Variants in CYTH3 observed in about 807,000 individuals in gnomAD.
CYTH3 encodes the protein cytohesin-3.
CYTH3 carries 23 observed loss-of-function variants against 55.1 expected under a neutral mutation model. The observed-to-expected ratio is 0.42, with a 90% CI of 0.30 to 0.59. The LOEUF (loss-of-function observed/expected upper bound fraction) is 0.59. CYTH3 is among the 20% of genes least tolerant of loss of function. CYTH3 has a pLI of 0.20. For synonymous variants in CYTH3, 249 were observed against 194.9 expected (o/e 1.28, Z -2.31); for missense variants, 413 against 524.8 (o/e 0.79, Z 2.08).
In CYTH3 at chr7:6,171,443, T is replaced by C; in HGVS notation, c.450-129A>G. 1 of 731,256 alleles carries C rather than the reference T, an allele frequency of 1.4e-6. No individual in the cohort carries two copies. The highest frequency in any genetic ancestry group is 1.7e-5 in the South Asian group (1 of 58,924). The allele number at this position is 731,256 out of a possible 1,614,324, so 45.3% of individuals were successfully genotyped here. A position where few individuals can be genotyped will look rare whatever the true frequency, so the allele number is the denominator to read the frequency against. Reference sequence around the variant, plus strand: ...CTGGGGTACAGCTCTGGCAGGGGCTTGGGGGCGCAGAGACAGAAAGGAGAA... The same window carrying C: ...CTGGGGTACAGCTCTGGCAGGGGCTCGGGGGCGCAGAGACAGAAAGGAGAA... On this transcript the variant is annotated intron_variant, in intron 6 of 12. Transcript: ENST00000350796. The surrounding 1 kb of genome is among the most constrained non-coding windows in gnomAD (Gnocchi z 6.7).
At chr7:6,203,364 T>C (rs1180849293) in intron 1 of CYTH3, among the ~76,000 whole-genome samples, 3 of 152,216 alleles carry the variant, frequency 2.0e-5, no homozygotes, top group African/African-American at 7.2e-5. Context: ...ATCTGACTAT[T>C]GCTAGAGGCA....
intron 1 of CYTH3, among the ~76,000 whole-genome samples, chr7:6,192,550 T>G (rs1783824593): frequency 6.7e-6 from 1 of 148,164 alleles, no homozygotes; most frequent in Non-Finnish European, 1.5e-5. Flanking sequence ...TTTTTTTTTT[T>G]GAGACAGAGT....
intron 1 of CYTH3, among the ~76,000 whole-genome samples, chr7:6,271,540 G>A (rs1486102371): frequency 6.6e-6 from 1 of 151,736 alleles, no homozygotes; most frequent in African/African-American, 2.4e-5. Context: ...TAAAAACACG[G>A]GCATTAACCC....
chr7:6,270,660 G>A (rs373334142), intron 1 of CYTH3, among the ~76,000 whole-genome samples: 19 of 152,084 alleles, frequency 1.2e-4, no homozygotes, highest in African/African-American at 4.3e-4. Flanking sequence ...TGCTGTTGGC[G>A]TTGCTGTTTC....
intron 1 of CYTH3, among the ~76,000 whole-genome samples, chr7:6,196,602 G>C (rs1783938608): frequency 1.3e-5 from 2 of 151,662 alleles, no homozygotes. Context: ...TGGGATTATA[G>C]GCACGCACCA....
chr7:6,223,172 G>A (rs1460184752), intron 1 of CYTH3, among the ~76,000 whole-genome samples: 2 of 151,480 alleles, frequency 1.3e-5, no homozygotes, highest in South Asian at 2.1e-4. Flanking sequence ...GGGAGGTGGG[G>A]GGCGCCTCTG....
chr7:6,203,195 CAA>C (rs565714024), intron 1 of CYTH3, among the ~76,000 whole-genome samples: 8 of 126,838 alleles, frequency 6.3e-5, no homozygotes, highest in South Asian at 2.5e-4. Flanking sequence ...TTCCCAAAGG[CAA>C]AAAAAAAAAA....
At chr7:6,214,757 GGACACA>G (rs1269839519) in intron 1 of CYTH3, among the ~76,000 whole-genome samples, 1 of 152,066 alleles carries the variant, frequency 6.6e-6, no homozygotes, top group African/African-American at 2.4e-5. Flanking sequence ...CTAACCTAAA[GGACACA>G]TGCGATTGAC....
chr7:6,186,100 C>T (rs1163547772), intron 4 of CYTH3, among the ~76,000 whole-genome samples: 1 of 151,850 alleles, frequency 6.6e-6, no homozygotes, highest in Admixed American at 6.6e-5. Context: ...AAAAATTAGC[C>T]GGGCGTGGTG....
chr7:6,265,899 C>A (rs1157509525), intron 1 of CYTH3, among the ~76,000 whole-genome samples: 1 of 151,964 alleles, frequency 6.6e-6, no homozygotes, highest in African/African-American at 2.4e-5. Context: ...CCACAATATA[C>A]TGAGATGGAG....
intron 4 of CYTH3, among the ~76,000 whole-genome samples, chr7:6,179,944 C>T (rs1301565857): frequency 6.8e-6 from 1 of 147,976 alleles, no homozygotes; most frequent in African/African-American, 2.5e-5. Flanking sequence ...CACACACACA[C>T]AGTAGCAATG....
chr7:6,165,914 C>A, intron 9 of CYTH3, 104 bp from the exon 10 acceptor site: 1 of 1,112,932 alleles, frequency 9.0e-7, no homozygotes, highest in East Asian at 2.4e-5. Context: ...TTCAGAAAGG[C>A]CACCAGGCGC....
intron 1 of CYTH3, among the ~76,000 whole-genome samples, chr7:6,195,329 T>G (rs1193176070): frequency 2.0e-5 from 3 of 152,196 alleles, no homozygotes; most frequent in African/African-American, 7.2e-5. Flanking sequence ...TAAACTTTTG[T>G]CTCAAACAGA....
Position 6,187,708 on chromosome 7 carries a change from T to C in CYTH3, c.131A>G (p.Glu44Gly). The change falls in exon 3 of 13, where the codon GAA (glutamate) becomes GGA (glycine). Residue 44 changes from glutamate to glycine, a missense_variant. Around this residue, in one of 4 missense-constraint regions of CYTH3, gnomAD observed 152 missense variants for 148.1 expected, o/e 1.03. Transcript: ENST00000350796. The part of the protein sequence containing the change: ...LIDDIERLKY[E>G]IAEVMTEIDN... ...GATCTCTGTCATCACCTCTGCAATTTCATATTTCAGCCTCTGTCAAAAAAG... is the reference window on the plus strand; with the variant it reads ...GATCTCTGTCATCACCTCTGCAATTCCATATTTCAGCCTCTGTCAAAAAAG... 3 of 1,614,130 alleles carry C rather than the reference T, an allele frequency of 1.9e-6. No homozygotes were observed. Among genetic ancestry groups the C allele is most frequent in the Admixed American group, 3.3e-5 (2 of 60,026 alleles).
intron 1 of CYTH3, among the ~76,000 whole-genome samples, chr7:6,191,634 C>T: frequency 7.4e-6 from 1 of 134,384 alleles, no homozygotes; most frequent in Non-Finnish European, 1.5e-5. Flanking sequence ...CTGACTCTGT[C>T]ACCCTGGCTG....
At chr7:6,223,308 C>T (rs1335595617) in intron 1 of CYTH3, among the ~76,000 whole-genome samples, 1 of 152,212 alleles carries the variant, frequency 6.6e-6, no homozygotes, top group East Asian at 1.9e-4. Flanking sequence ...GCCGCCCCGT[C>T]TGGGAAGTGT....
rs1783773447 is a variant in CYTH3, at chr7:6,190,444, T to C, written c.117+5A>G. 1 of 1,486,314 alleles carries C rather than the reference T, an allele frequency of 6.7e-7. No homozygotes were observed. The allele number at this position is 1,486,314 out of a possible 1,614,324, so 92.1% of individuals were successfully genotyped here. ...GGATTTTTGGTTTTTTTTTTTTTTTTTTACCTCAATGTCATCAATAAGTTC... is the reference window on the plus strand; with the variant it reads ...GGATTTTTGGTTTTTTTTTTTTTTTCTTACCTCAATGTCATCAATAAGTTC... On this transcript the variant is annotated splice_donor_5th_base_variant and intron_variant, in intron 2 of 12. Coordinates refer to ENST00000350796, the MANE Select transcript of CYTH3 (RefSeq NM_004227.4).
At chr7:6,259,392 T>G (rs548807546) in intron 1 of CYTH3, among the ~76,000 whole-genome samples, 4 of 152,286 alleles carry the variant, frequency 2.6e-5, no homozygotes, top group African/African-American at 9.6e-5. Context: ...GTGTTCCTGG[T>G]GACTTACTAA....
chr7:6,228,548 C>T (rs1007379462), intron 1 of CYTH3, among the ~76,000 whole-genome samples: 10 of 152,126 alleles, frequency 6.6e-5, no homozygotes, highest in Non-Finnish European at 1.0e-4. Flanking sequence ...GAAACTCCCC[C>T]CAGATGACCT....
Sources: gnomAD v4.1 joint callset for allele counts (sites outside exome capture counted in the v4.1 genomes callset) on GRCh38, gnomAD v4.1.1 for gene constraint, gnomAD v4.1.1 regional missense constraint, Gnocchi (gnomAD v3.1) non-coding constraint, MANE v1.5 for transcripts, NCBI Gene and HGNC (gene_info 2026-07-23, HGNC 2026-07-21) for gene names.